The following DLGAP2 variants were observed in gnomAD, a reference collection of about 807,000 sequenced individuals.
The protein encoded by DLGAP2 is DLG associated protein 2, also known as disks large-associated protein 2.
A neutral mutation model predicts 100.3 loss-of-function variants in DLGAP2; 26 were observed. The observed-to-expected ratio is 0.26, with a 90% CI of 0.19 to 0.36. The LOEUF (loss-of-function observed/expected upper bound fraction) is 0.36. DLGAP2 is among the 10% of genes least tolerant of loss of function. DLGAP2 has a pLI of 1.00. For synonymous variants in DLGAP2, 886 were observed against 630.1 expected, an observed-to-expected ratio of 1.41 and a Z score of -6.08; for missense variants, 1,858 against 1,453.2, an observed-to-expected ratio of 1.28 and a Z score of -4.53.
At chr8:1,540,750 AAGCTGCC>A (rs1801335452) in intron 4 of DLGAP2, among the ~76,000 whole-genome samples, 1 of 152,236 alleles carries the variant, frequency 6.6e-6, no homozygotes, top group Non-Finnish European at 1.5e-5. Flanking sequence ...TTCCTCTCAG[AAGCTGCC>A]TGTACCTTCT....
At chr8:1,641,977 GT>G (rs1563275450) in intron 8 of DLGAP2, among the ~76,000 whole-genome samples, 10 of 65,030 alleles carry the variant, frequency 1.5e-4, no homozygotes, top group African/African-American at 7.6e-4. Flanking sequence ...GACCCCGCCG[GT>G]CCCCACCTGT....
intron 2 of DLGAP2, among the ~76,000 whole-genome samples, chr8:941,057 C>T (rs1799185317): frequency 6.6e-6 from 1 of 152,194 alleles, no homozygotes; most frequent in Non-Finnish European, 1.5e-5. Context: ...CGGTACAGAG[C>T]TCAGCAGTGT....
At chr8:1,635,205 A>G (rs1206713113) in intron 8 of DLGAP2, among the ~76,000 whole-genome samples, 3 of 152,336 alleles carry the variant, frequency 2.0e-5, no homozygotes, top group South Asian at 2.1e-4. Flanking sequence ...AATTTAGATG[A>G]CATGCAATAT....
intron 3 of DLGAP2, among the ~76,000 whole-genome samples, chr8:1,292,401 G>A (rs1800078190): frequency 6.6e-6 from 1 of 152,190 alleles, no homozygotes; most frequent in South Asian, 2.1e-4. Context: ...AGGGAGAGCT[G>A]CCTCCAGTTG....
rs565734550 is a variant in DLGAP2, at chr8:1,051,939, A to G, written c.73+143973A>G. Among the ~76,000 whole-genome samples, 404 of 152,278 alleles carry G rather than the reference A, an allele frequency of 2.7e-3. 5 individuals are homozygous for G. The highest frequency in any genetic ancestry group is 0.025 in the South Asian group (120 of 4,832). On this transcript the variant is annotated intron_variant, in intron 2 of 14. Transcript: ENST00000637795. The stretch of plus-strand genomic sequence containing the variant: ...GCAAATGAGCTTAAATGCACCATCT[A>G]TAAGCCTATTAATTTTTGAATTTGC...
At chr8:1,273,315 G>A (rs138971314) in intron 3 of DLGAP2, among the ~76,000 whole-genome samples, 6 of 152,294 alleles carry the variant, frequency 3.9e-5, no homozygotes, top group Admixed American at 2.0e-4. Flanking sequence ...AGAGAGCCCT[G>A]CTGGGGACTT....
At chr8:1,565,950 C>T in intron 6 of DLGAP2, 56 bp downstream of exon 6, 1 of 1,471,554 alleles carries the variant, frequency 6.8e-7, no homozygotes, top group Admixed American at 2.2e-5. Flanking sequence ...CCTGCGAGCT[C>T]CCTCTCCAAA....
At chr8:1,695,206 C>A (rs903726650) in intron 13 of DLGAP2, among the ~76,000 whole-genome samples, 13 of 146,118 alleles carry the variant, frequency 8.9e-5, no homozygotes, top group Admixed American at 1.3e-4. Flanking sequence ...CAGCCGTGCC[C>A]GGCCCTACAG....
chr8:1,457,688 C>T (rs940122851), intron 3 of DLGAP2, among the ~76,000 whole-genome samples: 2 of 152,144 alleles, frequency 1.3e-5, no homozygotes, highest in Admixed American at 6.5e-5. Flanking sequence ...TCTCTTCCCT[C>T]TAATGCAAAG....
intron 3 of DLGAP2, among the ~76,000 whole-genome samples, chr8:1,310,577 T>G (rs1415535594): frequency 2.0e-5 from 3 of 152,224 alleles, no homozygotes; most frequent in Non-Finnish European, 4.4e-5. Context: ...TTCTCCACAG[T>G]AGGCCACATG....
Position 916,682 on chromosome 8 carries a change from A to G in DLGAP2, c.73+8716A>G, listed in dbSNP as rs555234239. 3.9e-5 allele frequency among the ~76,000 whole-genome samples: 6 copies of G among 152,182 alleles called. No individual in the cohort carries two copies. In the South Asian group the frequency reaches 8.3e-4, roughly 21 times the overall value. On this transcript the variant is annotated intron_variant, in intron 2 of 14. Transcript: ENST00000637795. The stretch of plus-strand genomic sequence containing the variant: ...AAAAAAAATTAAAGAAAATAAATTT[A>G]AAAAAAAGAAACTCAATCCAGGCTT...
At chr8:1,186,175 C>T (rs1471024177) in intron 2 of DLGAP2, among the ~76,000 whole-genome samples, 1 of 152,212 alleles carries the variant, frequency 6.6e-6, no homozygotes, top group Non-Finnish European at 1.5e-5. Context: ...ACATTGGTGC[C>T]AGGATTGCGA....
chr8:1,703,308 A>T lies in DLGAP2; in HGVS notation c.*1902A>T, dbSNP rs1585080977. 6.5e-6 allele frequency: 1 copy of T among 152,676 alleles called. No homozygotes were observed. The highest frequency in any genetic ancestry group is 1.9e-4 in the East Asian group (1 of 5,184). 9.5% of individuals were successfully genotyped at this position (152,676 alleles called of 1,614,324 possible). The stretch of plus-strand genomic sequence containing the variant: ...ATCTCCTTGAAAAATGCAAAAAAAA[A>T]AAAATCCCTGAAATATTCTTCTATA... On this transcript the variant is annotated 3_prime_UTR_variant, in exon 15 of 15. Coordinates refer to ENST00000637795, the MANE Select transcript of DLGAP2 (RefSeq NM_001346810.2).
At chr8:760,172 T>C (rs543462633) in intron 1 of DLGAP2, among the ~76,000 whole-genome samples, 3 of 152,306 alleles carry the variant, frequency 2.0e-5, no homozygotes, top group African/African-American at 7.2e-5. Context: ...TGCATTTCCA[T>C]CTTTATTCCT....
At chr8:845,509 T>C (rs1271406459) in intron 1 of DLGAP2, among the ~76,000 whole-genome samples, 1 of 152,200 alleles carries the variant, frequency 6.6e-6, no homozygotes, top group Non-Finnish European at 1.5e-5. Context: ...TTAAACTAGG[T>C]TATTTGTCTA....
chr8:899,399 G>T (rs1798208072), intron 1 of DLGAP2, among the ~76,000 whole-genome samples: 1 of 152,206 alleles, frequency 6.6e-6, no homozygotes, highest in Admixed American at 6.5e-5. Flanking sequence ...CCTCAGTGGT[G>T]AGTGTGACTC....
At chr8:1,295,688 T>C (rs73170428) in intron 3 of DLGAP2, among the ~76,000 whole-genome samples, 4,131 of 152,154 alleles carry the variant, frequency 0.027, 75 homozygotes, top group Middle Eastern at 0.061. Context: ...TAAAAACAAA[T>C]AGAAGAAAAC....
At chr8:1,700,225 G>A (rs538128179) in intron 14 of DLGAP2, among the ~76,000 whole-genome samples, 25 of 152,300 alleles carry the variant, frequency 1.6e-4, no homozygotes, top group African/African-American at 5.8e-4. Context: ...AGAGGCTGAA[G>A]AGAAAAAGAC....
At chr8:1,418,888 A>C (rs1403449970) in intron 3 of DLGAP2, among the ~76,000 whole-genome samples, 4 of 152,230 alleles carry the variant, frequency 2.6e-5, no homozygotes, top group Non-Finnish European at 4.4e-5. Flanking sequence ...ATGGGTTCCC[A>C]TGGCTCTACC....
Sources: gnomAD v4.1 joint callset for allele counts (sites outside exome capture counted in the v4.1 genomes callset) on GRCh38, gnomAD v4.1.1 for gene constraint, MANE v1.5 for transcripts, NCBI Gene and HGNC (gene_info 2026-07-23, HGNC 2026-07-21) for gene names.